RYR2: variants seen among roughly 807,000 people sequenced by gnomAD.
RYR2 encodes cardiac muscle ryanodine receptor-calcium release channel.
Under a neutral mutation model 601.1 loss-of-function variants are expected in RYR2, and 227 were observed. That is an observed-to-expected ratio of 0.38 (90% CI 0.34 to 0.42). The LOEUF (loss-of-function observed/expected upper bound fraction) is 0.42. Ranked by LOEUF, RYR2 falls within the 10% of genes least tolerant of loss-of-function variation. The pLI is 1.00. For synonymous variants in RYR2, 2,223 were observed against 2,175.1 expected (o/e 1.02, Z -0.61); for missense variants, 4,646 against 6,156.5 (o/e 0.75, Z 8.21).
chr1:237,396,623 T>A (rs1188957258), intron 10 of RYR2, among the ~76,000 whole-genome samples: 1 of 152,178 alleles, frequency 6.6e-6, no homozygotes, highest in Non-Finnish European at 1.5e-5. Context: ...CTGCAAGGCA[T>A]CTCTCTTCCT....
intron 99 of RYR2, among the ~76,000 whole-genome samples, chr1:237,806,524 A>AT: frequency 6.6e-6 from 1 of 152,122 alleles, no homozygotes; most frequent in Non-Finnish European, 1.5e-5. Context: ...ACCTTACCAG[A>AT]TTTTTGCGAA....
At chr1:237,694,114 G>A (rs927830648) in intron 63 of RYR2, among the ~76,000 whole-genome samples, 2 of 151,856 alleles carry the variant, frequency 1.3e-5, no homozygotes, top group African/African-American at 4.8e-5. Flanking sequence ...CTAACAAGGT[G>A]AAACCCCGTC....
intron 1 of RYR2, among the ~76,000 whole-genome samples, chr1:237,073,873 A>AAAAC (rs1309014475): frequency 6.6e-6 from 1 of 151,696 alleles, no homozygotes; most frequent in Admixed American, 6.6e-5. Context: ...TCTTAAAAAA[A>AAAAC]AAAAAAAAAA....
intron 26 of RYR2, among the ~76,000 whole-genome samples, chr1:237,550,229 T>A (rs1242223575): frequency 1.3e-5 from 2 of 152,202 alleles, no homozygotes; most frequent in Non-Finnish European, 2.9e-5. Context: ...ACTCAGAAGT[T>A]ATATGTTCTC....
intron 1 of RYR2, among the ~76,000 whole-genome samples, chr1:237,103,406 A>G (rs191630102): frequency 6.6e-6 from 1 of 152,302 alleles, no homozygotes; most frequent in Non-Finnish European, 1.5e-5. Context: ...GTAGCCTGGT[A>G]CTTTGAACCT....
At chr1:237,794,130 C>A in intron 95 of RYR2, 133 bp downstream of exon 95, 1 of 753,008 alleles carries the variant, frequency 1.3e-6, no homozygotes, top group South Asian at 1.9e-5. Flanking sequence ...CAAGAAAAAT[C>A]TAAAGACTCA....
chr1:237,387,305 T>C lies in RYR2; in HGVS notation c.601T>C (p.Leu201=), dbSNP rs752523583. Residue 201 remains leucine (L), a synonymous_variant, in exon 9 of 105, where the codon TTA becomes CTA. Transcript: ENST00000366574. ...YLHLSYGNGS[L]HVDAAFQQTL... ...GCACTTGTCTTATGGCAACGGCAGC[T>C]TACACGTGGATGCCGCTTTCCAGCA... is the stretch of plus-strand genomic sequence containing the variant. 6 of 1,613,878 alleles carry C rather than the reference T, an allele frequency of 3.7e-6. No individual in the cohort carries two copies. In the African/African-American group the frequency reaches 8.0e-5, roughly 22 times the overall value.
At chr1:237,129,909 TA>T (rs1261254692) in intron 1 of RYR2, among the ~76,000 whole-genome samples, 1 of 152,126 alleles carries the variant, frequency 6.6e-6, no homozygotes, top group Non-Finnish European at 1.5e-5. Context: ...AAATGACTAG[TA>T]CAATGGTGGT....
intron 2 of RYR2, among the ~76,000 whole-genome samples, chr1:237,283,889 T>TG (rs374903322): frequency 1.4e-4 from 22 of 152,294 alleles, no homozygotes; most frequent in African/African-American, 4.3e-4. Flanking sequence ...TGTGAGATTT[T>TG]GGGGCACCCA....
intron 1 of RYR2, among the ~76,000 whole-genome samples, chr1:237,202,438 C>T (rs976401514): frequency 4.6e-5 from 7 of 151,938 alleles, no homozygotes; most frequent in Admixed American, 1.3e-4. Context: ...GTCAGGGTCT[C>T]GCTCTGTTGC....
At chr1:237,104,945 T>C (rs1331906438) in intron 1 of RYR2, among the ~76,000 whole-genome samples, 1 of 152,172 alleles carries the variant, frequency 6.6e-6, no homozygotes, top group Admixed American at 6.5e-5. Context: ...TCCCTCGAGG[T>C]CTTCTCAACG....
In RYR2 at chr1:237,590,885, T is replaced by C. The variant is rs748955164; in HGVS notation, c.4053T>C (p.His1351=). ...TTGAGGTTCTGATGAAGACAGCTCA[T>C]GGCCATCTAGTGCCCGATCGTGTTG... ...SDFEVLMKTA[H]GHLVPDRVDK... is the part of the protein sequence containing the mutation. The change falls in exon 31 of 105, where the codon CAT becomes CAC. Residue 1351 remains histidine (H), a synonymous_variant. Coordinates refer to ENST00000366574, the MANE Select transcript of RYR2 (RefSeq NM_001035.3). 8.1e-6 allele frequency: 13 copies of C among 1,613,926 alleles called. No homozygotes were observed. The highest frequency in any genetic ancestry group is 1.1e-5 in the Non-Finnish European group (13 of 1,179,866).
intron 41 of RYR2, 99 bp from the exon 42 acceptor site, chr1:237,631,328 C>A (rs2148682917): frequency 1.4e-6 from 1 of 733,078 alleles, no homozygotes; most frequent in Non-Finnish European, 2.3e-6. Flanking sequence ...TTTTACTTTT[C>A]AACTCACATA....
chr1:237,385,782 T>G (rs2149836357), intron 8 of RYR2, among the ~76,000 whole-genome samples: 1 of 152,360 alleles, frequency 6.6e-6, no homozygotes, highest in East Asian at 1.9e-4. Context: ...ACTTTGATTT[T>G]ATGATTTTTG....
intron 1 of RYR2, among the ~76,000 whole-genome samples, chr1:237,210,288 G>C (rs189880929): frequency 1.1e-3 from 172 of 152,112 alleles, no homozygotes; most frequent in African/African-American, 4.1e-3. Context: ...ATAATTTTGG[G>C]ACTATTTCAT....
intron 2 of RYR2, among the ~76,000 whole-genome samples, chr1:237,305,698 C>G: frequency 6.6e-6 from 1 of 152,190 alleles, no homozygotes; most frequent in East Asian, 1.9e-4. Flanking sequence ...TCCCAGAATG[C>G]TGGCATTACA....
intron 53 of RYR2, 58 bp from the exon 54 acceptor site, chr1:237,657,885 AT>A: frequency 1.1e-6 from 1 of 921,394 alleles, no homozygotes; most frequent in Non-Finnish European, 1.7e-6. Context: ...TAAATTATTA[AT>A]ATGATTTCCT....
chr1:237,677,089 A>T lies in RYR2; in HGVS notation c.8831-959A>T, dbSNP rs560490694. ...CATTCTGATATTGCAAAATAATTGC[A>T]TAAGTTTCCTATAAATTATATTGTA... On this transcript the variant is annotated intron_variant, in intron 60 of 104. Transcript: ENST00000366574. Among the ~76,000 whole-genome samples, 6 of 152,322 alleles carry T rather than the reference A, an allele frequency of 3.9e-5. No homozygotes were observed. In the South Asian group the frequency reaches 1.2e-3, roughly 32 times the overall value.
chr1:237,752,168 A>T (rs1028891006), intron 80 of RYR2, among the ~76,000 whole-genome samples: 4 of 152,132 alleles, frequency 2.6e-5, no homozygotes, highest in African/African-American at 9.7e-5. Context: ...CTCTTCATGG[A>T]TCTTCTAGGA....
Sources: allele counts gnomAD v4.1 joint callset (sites outside exome capture counted in the v4.1 genomes callset), GRCh38; gene constraint gnomAD v4.1.1; transcripts MANE v1.5; gene names NCBI Gene and HGNC (gene_info 2026-07-23, HGNC 2026-07-21).